BICC1: variants seen among roughly 807,000 people sequenced by gnomAD.
BICC1 encodes BicC family RNA binding protein 1.
A neutral mutation model predicts 111.0 loss-of-function variants in BICC1; 43 were observed. The observed-to-expected ratio is 0.39, with a 90% CI of 0.30 to 0.50. The LOEUF is 0.50. Ranked by LOEUF, BICC1 falls within the 20% of genes least tolerant of loss-of-function variation. The pLI, the probability that BICC1 is intolerant of heterozygous loss-of-function variation, is 0.88. For missense variants in BICC1, 1,091 were observed against 1,203.2 expected (o/e 0.91, Z 1.38); for synonymous variants, 467 against 434.4 (o/e 1.07, Z -0.93).
chr10:58,803,099 G>A lies in BICC1; in HGVS notation c.2038G>A (p.Asp680Asn). The A allele has an allele frequency of 6.2e-7, 1 of 1,606,300 alleles. No individual in the cohort carries two copies. Among genetic ancestry groups the A allele is most frequent in the Non-Finnish European group, 8.5e-7 (1 of 1,176,272 alleles). Residue 680 changes from aspartate to asparagine, a missense_variant, in exon 15 of 21, where the codon GAC becomes AAC. Physicochemically the swap from Asp to Asn is conservative, Grantham distance 23. Coordinates refer to ENST00000373886, the MANE Select transcript of BICC1 (RefSeq NM_001080512.3). ...CAGCAGCACTGACAGGTTGCTCTCA[G>A]ACCCTGAACTGAGTGCTACCGAAAG... The part of the protein sequence containing the change: ...HLHSTDRLLS[D>N]PELSATESPL...
intron 2 of BICC1, among the ~76,000 whole-genome samples, chr10:58,627,934 A>G (rs1032361186): frequency 2.6e-5 from 4 of 152,352 alleles, no homozygotes; most frequent in Admixed American, 2.0e-4. Flanking sequence ...TTGGATTATT[A>G]TGTAGGCATT....
intron 1 of BICC1, among the ~76,000 whole-genome samples, chr10:58,617,961 T>A (rs1845672175): frequency 6.6e-6 from 1 of 152,268 alleles, no homozygotes; most frequent in Non-Finnish European, 1.5e-5. Context: ...CACCATAACC[T>A]GGAGTTGTTT....
chr10:58,780,697 T>G (rs1228620064), intron 3 of BICC1, among the ~76,000 whole-genome samples: 1 of 152,114 alleles, frequency 6.6e-6, no homozygotes, highest in African/African-American at 2.4e-5. Flanking sequence ...TGGGAATGTT[T>G]CCAAGGATGG....
intron 1 of BICC1, among the ~76,000 whole-genome samples, chr10:58,557,936 C>T (rs1265072630): frequency 2.6e-5 from 4 of 151,954 alleles, no homozygotes; most frequent in Non-Finnish European, 4.4e-5. Flanking sequence ...CAGATATTTT[C>T]GTACTCTTGA....
At chr10:58,655,170 T>A (rs1385643648) in intron 2 of BICC1, among the ~76,000 whole-genome samples, 1 of 143,608 alleles carries the variant, frequency 7.0e-6, no homozygotes, top group Admixed American at 7.0e-5. Context: ...ATGCGGGCTC[T>A]TTTTTGGTTC....
At chr10:58,552,900 A>C (rs1438083677) in intron 1 of BICC1, among the ~76,000 whole-genome samples, 1 of 152,142 alleles carries the variant, frequency 6.6e-6, no homozygotes, top group African/African-American at 2.4e-5. Context: ...AGTATGTAGA[A>C]CATTCCACGT....
chr10:58,644,035 A>AT lies in BICC1; in HGVS notation c.237+23141dup, dbSNP rs373188440. Among the ~76,000 whole-genome samples the AT allele has an allele frequency of 5.4e-3, 824 of 152,238 alleles. 4 individuals carry two copies. The highest frequency in any genetic ancestry group is 7.5e-3 in the Non-Finnish European group (512 of 68,018). On this transcript the variant is annotated intron_variant, in intron 2 of 20. Transcript: ENST00000373886. ...TAAATCAGTTCTAAAAAAGTTAGAA[A>AT]TTTTTTTGGAATATCTACGATGAGA...
rs74989031 is a variant in BICC1 at position 58,557,196 on chromosome 10, C to T, written c.190+43863C>T. Among the ~76,000 whole-genome samples the T allele has an allele frequency of 1.9e-3, 282 of 152,142 alleles. 4 individuals are homozygous for T. Among genetic ancestry groups the T allele is most frequent in the African/African-American group, 6.2e-3 (257 of 41,530 alleles). The stretch of plus-strand genomic sequence containing the variant: ...AAAATTGCTTTTAAGATGTTCTACT[C>T]TTTTCTGGCTTGCATTGTTTCTGAT... On this transcript the variant is annotated intron_variant, in intron 1 of 20. Transcript: ENST00000373886.
At chr10:58,612,984 CT>C (rs1483230185) in intron 1 of BICC1, among the ~76,000 whole-genome samples, 2 of 152,234 alleles carry the variant, frequency 1.3e-5, no homozygotes, top group East Asian at 3.9e-4. Context: ...TAGTTTACAC[CT>C]GTTTCAACTT....
intron 13 of BICC1, 52 bp downstream of exon 13, chr10:58,800,378 G>A (rs757356987): frequency 6.3e-7 from 1 of 1,581,136 alleles, no homozygotes; most frequent in Non-Finnish European, 8.6e-7. Flanking sequence ...TTGGAAAAAG[G>A]AGGTTGTAGA....
chr10:58,725,009 T>C (rs766741536), intron 3 of BICC1, among the ~76,000 whole-genome samples: 2 of 152,156 alleles, frequency 1.3e-5, no homozygotes, highest in South Asian at 2.1e-4. Context: ...TAAACTGATA[T>C]ACCTACCTCC....
At chr10:58,598,777 C>G (rs1844922531) in intron 1 of BICC1, among the ~76,000 whole-genome samples, 1 of 152,046 alleles carries the variant, frequency 6.6e-6, no homozygotes, top group Non-Finnish European at 1.5e-5. Context: ...GGCTAATACT[C>G]AGAATCTACA....
chr10:58,698,867 C>A (rs1840144570), intron 2 of BICC1, among the ~76,000 whole-genome samples: 1 of 152,126 alleles, frequency 6.6e-6, no homozygotes, highest in Non-Finnish European at 1.5e-5. Context: ...CAACACAGCA[C>A]CCCTAGAAAG....
intron 2 of BICC1, among the ~76,000 whole-genome samples, chr10:58,684,645 T>C (rs1484141387): frequency 6.6e-6 from 1 of 152,194 alleles, no homozygotes; most frequent in African/African-American, 2.4e-5. Flanking sequence ...TCTTCTAGAT[T>C]TTCTAATTTA....
intron 2 of BICC1, chr10:58,650,033 A>T (rs1838396955): frequency 6.6e-6 from 1 of 152,160 alleles, no homozygotes; most frequent in South Asian, 2.1e-4. Context: ...ATGAAACAAC[A>T]TTTCATGAAA....
At chr10:58,555,314 T>A (rs1207067327) in intron 1 of BICC1, among the ~76,000 whole-genome samples, 1 of 62,200 alleles carries the variant, frequency 1.6e-5, no homozygotes, top group Non-Finnish European at 3.5e-5. Context: ...ACATTTTTTT[T>A]TTTTTTTTTT....
intron 3 of BICC1, among the ~76,000 whole-genome samples, chr10:58,722,837 G>A (rs1054021945): frequency 1.3e-5 from 2 of 152,128 alleles, no homozygotes; most frequent in African/African-American, 4.8e-5. Context: ...AAGCTTATTT[G>A]AGTGAGCTTC....
Position 58,769,404 on chromosome 10 carries a change from G to GTGTGTATATATATATA in BICC1, c.308-15596_308-15595insGTGTATATATATATAT, listed in dbSNP as rs1050060686. 5.5e-5 allele frequency among the ~76,000 whole-genome samples: 6 copies of GTGTGTATATATATATA among 109,746 alleles called. No individual in the cohort carries two copies. The East Asian group carries it at 9.2e-4, about 17-fold the overall frequency. 72.0% of individuals were successfully genotyped at this position (109,746 alleles called of 152,430 possible). A position where few individuals can be genotyped will look rare whatever the true frequency, so the allele number is the denominator to read the frequency against. Reference sequence around the variant, plus strand: ...TGTGTGTGTGTGTGTGTGTGTGTGTGTATATATATATATATATATATAATC... The same window carrying GTGTGTATATATATATA: ...TGTGTGTGTGTGTGTGTGTGTGTGTGTGTGTATATATATATATATATATATATATATATATATAATC... On this transcript the variant is annotated intron_variant, in intron 3 of 20. Transcript: ENST00000373886.
chr10:58,826,148 T>C (rs1359804288), intron 20 of BICC1, among the ~76,000 whole-genome samples: 1 of 152,166 alleles, frequency 6.6e-6, no homozygotes, highest in African/African-American at 2.4e-5. Context: ...AGCATACTTA[T>C]TGACTCCATG....
Sources: gnomAD v4.1 joint callset for allele counts (sites outside exome capture counted in the v4.1 genomes callset) on GRCh38, gnomAD v4.1.1 for gene constraint, MANE v1.5 for transcripts, NCBI Gene and HGNC (gene_info 2026-07-23, HGNC 2026-07-21) for gene names.